The following TBC1D5 variants were observed in gnomAD, a reference collection of about 807,000 sequenced individuals.
The protein encoded by TBC1D5 is TBC1 domain family, member 5.
A neutral mutation model predicts 100.3 loss-of-function variants in TBC1D5; 75 were observed. The observed-to-expected ratio is 0.75, with a 90% CI of 0.62 to 0.91. The LOEUF (loss-of-function observed/expected upper bound fraction) is 0.91, where lower values mean the gene tolerates loss of function less well. Among genes scored for constraint, TBC1D5 ranks in the 40% least tolerant of loss-of-function variants. The pLI is 0.00. For missense variants in TBC1D5, 910 were observed against 942.4 expected (o/e 0.97, Z 0.45); for synonymous variants, 323 against 325.6 (o/e 0.99, Z 0.09).
chr3:17,656,842 TAA>T (rs915059039), intron 1 of TBC1D5, among the ~76,000 whole-genome samples: 33 of 137,512 alleles, frequency 2.4e-4, no homozygotes, highest in East Asian at 1.5e-3. Context: ...TATATATATA[TAA>T]AATGCGCATT....
chr3:17,261,512 C>T (rs2078284142), intron 15 of TBC1D5, among the ~76,000 whole-genome samples: 1 of 151,986 alleles, frequency 6.6e-6, no homozygotes, highest in African/African-American at 2.4e-5. Context: ...CTCATTCTGT[C>T]GCCCAGGCTG....
intron 19 of TBC1D5, among the ~76,000 whole-genome samples, chr3:17,176,654 G>A (rs527266072): frequency 6.6e-6 from 1 of 152,160 alleles, no homozygotes; most frequent in African/African-American, 2.4e-5. Context: ...CTGTTGGAGG[G>A]TGAGGGGCTA....
intron 19 of TBC1D5, among the ~76,000 whole-genome samples, chr3:17,174,545 T>C (rs771848739): frequency 2.0e-4 from 31 of 152,168 alleles, no homozygotes; most frequent in Admixed American, 6.5e-5. Context: ...CAATTTCAGA[T>C]TACCACTCCA....
intron 18 of TBC1D5, among the ~76,000 whole-genome samples, chr3:17,190,468 A>G (rs150655412): frequency 3.9e-5 from 6 of 152,226 alleles, no homozygotes; most frequent in Non-Finnish European, 5.9e-5. Context: ...AGGAGGCAGG[A>G]AAGTATGGCA....
intron 1 of TBC1D5, among the ~76,000 whole-genome samples, chr3:17,712,479 C>T (rs919403099): frequency 6.6e-6 from 1 of 152,152 alleles, no homozygotes; most frequent in Non-Finnish European, 1.5e-5. Context: ...GCTGTCTCAG[C>T]CTCAGTTTTA....
intron 15 of TBC1D5, among the ~76,000 whole-genome samples, chr3:17,285,422 G>A (rs985487111): frequency 2.0e-5 from 3 of 151,082 alleles, no homozygotes; most frequent in African/African-American, 2.4e-5. Context: ...TACCACGCCC[G>A]GCTAATTTTT....
chr3:17,510,497 C>T (rs1005044849), intron 2 of TBC1D5, among the ~76,000 whole-genome samples: 28 of 151,928 alleles, frequency 1.8e-4, no homozygotes, highest in East Asian at 3.8e-4. Context: ...TAAACCTAGA[C>T]GGTTGTCAGT....
chr3:17,287,524 A>G (rs1378781596), intron 15 of TBC1D5, among the ~76,000 whole-genome samples: 1 of 152,206 alleles, frequency 6.6e-6, no homozygotes, highest in Non-Finnish European at 1.5e-5. Flanking sequence ...TTGGGAGCTT[A>G]TAAGCTTTTT....
chr3:17,724,507 G>A (rs986129262), intron 1 of TBC1D5, among the ~76,000 whole-genome samples: 4 of 152,082 alleles, frequency 2.6e-5, no homozygotes, highest in African/African-American at 9.7e-5. Context: ...CTCCTTTGAA[G>A]GTAATCTTTT....
chr3:17,505,585 T>G (rs953193522), intron 3 of TBC1D5, among the ~76,000 whole-genome samples: 1 of 152,218 alleles, frequency 6.6e-6, no homozygotes, highest in Non-Finnish European at 1.5e-5. Context: ...CTTATAAGCT[T>G]GTGAAAACGA....
At chr3:17,586,994 T>C (rs1397808216) in intron 2 of TBC1D5, among the ~76,000 whole-genome samples, 1 of 151,958 alleles carries the variant, frequency 6.6e-6, no homozygotes, top group East Asian at 1.9e-4. Flanking sequence ...AAAACAAATG[T>C]GAAAAAAATT....
intron 1 of TBC1D5, among the ~76,000 whole-genome samples, chr3:17,718,520 C>T (rs2075426676): frequency 6.6e-6 from 1 of 152,088 alleles, no homozygotes. Flanking sequence ...TGGCATGAAC[C>T]CTGGAGGCAG....
chr3:17,606,378 AAT>A (rs2061335010), intron 2 of TBC1D5, among the ~76,000 whole-genome samples: 1 of 152,164 alleles, frequency 6.6e-6, no homozygotes, highest in Non-Finnish European at 1.5e-5. Context: ...TGAACCCAGG[AAT>A]GCGAGGCTGC....
At chr3:17,398,397 AAT>A (rs765394562) in intron 8 of TBC1D5, among the ~76,000 whole-genome samples, 1 of 152,164 alleles carries the variant, frequency 6.6e-6, no homozygotes, top group Non-Finnish European at 1.5e-5. Context: ...AGATCAAATA[AAT>A]TAAATAATGA....
chr3:17,310,004 T>C (rs2150595757), intron 13 of TBC1D5, among the ~76,000 whole-genome samples: 1 of 152,246 alleles, frequency 6.6e-6, no homozygotes, highest in Middle Eastern at 3.4e-3. Flanking sequence ...CTTCCCCCTC[T>C]TTCCTTACAG....
intron 18 of TBC1D5, among the ~76,000 whole-genome samples, chr3:17,211,787 T>C (rs1453135645): frequency 6.6e-6 from 1 of 152,228 alleles, no homozygotes; most frequent in African/African-American, 2.4e-5. Context: ...CTTGTTGTCC[T>C]TGCAGTGGAA....
chr3:17,504,766 T>C (rs1173886180), intron 3 of TBC1D5, among the ~76,000 whole-genome samples: 1 of 152,202 alleles, frequency 6.6e-6, no homozygotes, highest in Non-Finnish European at 1.5e-5. Context: ...TTTTTATACT[T>C]TAGCCAGATA....
intron 3 of TBC1D5, among the ~76,000 whole-genome samples, chr3:17,480,904 T>G (rs995421007): frequency 9.8e-5 from 15 of 152,292 alleles, no homozygotes; most frequent in Admixed American, 4.6e-4. Context: ...GGACAAGAAC[T>G]TGGGACCTGC....
intron 1 of TBC1D5, among the ~76,000 whole-genome samples, chr3:17,737,159 G>A (rs964440033): frequency 1.1e-4 from 17 of 152,180 alleles, no homozygotes; most frequent in East Asian, 1.9e-4. Flanking sequence ...TCCATCAGGT[G>A]GGAGCCGTTT....
Sources: gnomAD v4.1 joint callset for allele counts (sites outside exome capture counted in the v4.1 genomes callset) on GRCh38, gnomAD v4.1.1 for gene constraint, MANE v1.5 for transcripts, NCBI Gene and HGNC (gene_info 2026-07-23, HGNC 2026-07-21) for gene names.